The following COL23A1 variants were observed in gnomAD, a reference collection of about 807,000 sequenced individuals.
COL23A1 encodes the protein collagen type XXIII alpha 1 chain, also known as collagen alpha-1(XXIII) chain.
Under a neutral mutation model 99.3 loss-of-function variants are expected in COL23A1, and 97 were observed. The observed-to-expected ratio is 0.98, with a 90% CI of 0.83 to 1.16. The LOEUF (loss-of-function observed/expected upper bound fraction) is 1.16, where lower values mean the gene tolerates loss of function less well. Among genes scored for constraint, COL23A1 ranks in the 50% most tolerant of loss-of-function variants. The pLI, the probability that COL23A1 is intolerant of heterozygous loss-of-function variation, is 0.00. For synonymous variants in COL23A1, 320 were observed against 308.2 expected (o/e 1.04, Z -0.40); for missense variants, 762 against 757.4 (o/e 1.01, Z -0.07).
intron 2 of COL23A1, among the ~76,000 whole-genome samples, chr5:178,518,542 A>ATGGGG: frequency 8.5e-6 from 1 of 118,136 alleles, no homozygotes; most frequent in South Asian, 2.8e-4. Flanking sequence ...CACTTCTCAG[A>ATGGGG]CGGGGCGGCC....
At chr5:178,538,249 C>G (rs1002779361) in intron 2 of COL23A1, among the ~76,000 whole-genome samples, 9 of 152,216 alleles carry the variant, frequency 5.9e-5, no homozygotes, top group African/African-American at 2.2e-4. Flanking sequence ...CCCGCAGAAG[C>G]TCACACTGGA....
rs771975200 is a variant in COL23A1, at chr5:178,254,820, C to T, written c.960+129G>A. 9.2e-6 allele frequency: 7 copies of T among 759,878 alleles called. No individual in the cohort carries two copies. In the East Asian group the frequency reaches 1.1e-4, roughly 12 times the overall value. The allele number at this position is 759,878 out of a possible 1,614,324, so 47.1% of individuals were successfully genotyped here. On this transcript the variant is annotated intron_variant, in intron 16 of 28. Coordinates refer to ENST00000390654, the MANE Select transcript of COL23A1 (RefSeq NM_173465.4). ...TCCACATTGGGTGCCTAGTAACAGC[C>T]GGGGTCTTTGTGCTAAGCTGCCTCT...
At chr5:178,351,559 A>T (rs532236321) in intron 2 of COL23A1, among the ~76,000 whole-genome samples, 1 of 152,124 alleles carries the variant, frequency 6.6e-6, no homozygotes, top group Non-Finnish European at 1.5e-5. Flanking sequence ...TGTTTCTTTA[A>T]CAGGAAGGAT....
At chr5:178,537,529 T>A (rs1409630117) in intron 2 of COL23A1, among the ~76,000 whole-genome samples, 3 of 151,732 alleles carry the variant, frequency 2.0e-5, no homozygotes. Context: ...TCAGAGGGAG[T>A]CTGTGGCAGG....
intron 2 of COL23A1, among the ~76,000 whole-genome samples, chr5:178,372,217 G>C (rs1277105828): frequency 6.6e-6 from 1 of 152,248 alleles, no homozygotes; most frequent in Non-Finnish European, 1.5e-5. Context: ...GGCGTGCTGG[G>C]AGGCACTTCG....
At chr5:178,440,893 A>G (rs749292667) in intron 2 of COL23A1, among the ~76,000 whole-genome samples, 1 of 152,198 alleles carries the variant, frequency 6.6e-6, no homozygotes, top group African/African-American at 2.4e-5. Context: ...TAGGGATTAC[A>G]TGCATGAGCC....
chr5:178,526,357 C>T (rs1031801705), intron 2 of COL23A1, among the ~76,000 whole-genome samples: 1 of 152,178 alleles, frequency 6.6e-6, no homozygotes, highest in Non-Finnish European at 1.5e-5. Context: ...GACAGGCTCA[C>T]GGGACATGTA....
intron 2 of COL23A1, among the ~76,000 whole-genome samples, chr5:178,521,899 G>A (rs1759967476): frequency 6.6e-6 from 1 of 152,210 alleles, no homozygotes; most frequent in Non-Finnish European, 1.5e-5. Context: ...TCTGTTTGGA[G>A]TTATGGAAAA....
chr5:178,244,373 C>T (rs1216596644), intron 25 of COL23A1, among the ~76,000 whole-genome samples: 1 of 152,174 alleles, frequency 6.6e-6, no homozygotes, highest in Non-Finnish European at 1.5e-5. Flanking sequence ...AAAATAGCTA[C>T]CTGATTTTCC....
At chr5:178,321,839 T>G (rs13160045) in intron 2 of COL23A1, among the ~76,000 whole-genome samples, 54,649 of 149,162 alleles carry the variant, frequency 0.37, 10,456 homozygotes, top group African/African-American at 0.48. Flanking sequence ...ATGGATAGAC[T>G]ACGTTTACTC....
At chr5:178,586,278 C>T (rs765991069) in intron 1 of COL23A1, among the ~76,000 whole-genome samples, 5 of 152,188 alleles carry the variant, frequency 3.3e-5, no homozygotes, top group Non-Finnish European at 7.3e-5. Context: ...TGTCTGTTAT[C>T]ATATTTGCAT....
In COL23A1 at chr5:178,537,631, G is replaced by C. The variant is rs776631290; in HGVS notation, c.361+23051C>G. Among the ~76,000 whole-genome samples, 3 of 152,346 alleles carry C rather than the reference G, an allele frequency of 2.0e-5. No individual in the cohort carries two copies. In the South Asian group the frequency reaches 6.2e-4, roughly 32 times the overall value. ...GACAATTCTGTAAAATGGACACCACGGTCTGCCGAAGGCGGCTGTGGGGCA... is the reference window on the plus strand; with the variant it reads ...GACAATTCTGTAAAATGGACACCACCGTCTGCCGAAGGCGGCTGTGGGGCA... On this transcript the variant is annotated intron_variant, in intron 2 of 28. Coordinates refer to ENST00000390654, the MANE Select transcript of COL23A1 (RefSeq NM_173465.4).
chr5:178,371,442 C>T (rs1762796369), intron 2 of COL23A1, among the ~76,000 whole-genome samples: 1 of 152,168 alleles, frequency 6.6e-6, no homozygotes, highest in Non-Finnish European at 1.5e-5. Context: ...GTCGGATGGG[C>T]CTCGCGGGCT....
chr5:178,355,304 A>G (rs1175693885), intron 2 of COL23A1, among the ~76,000 whole-genome samples: 2 of 152,250 alleles, frequency 1.3e-5, no homozygotes, highest in Middle Eastern at 3.4e-3. Flanking sequence ...ATAAATAAAC[A>G]AGCATTTTAT....
At chr5:178,564,370 T>C (rs542911277) in intron 1 of COL23A1, among the ~76,000 whole-genome samples, 11 of 152,126 alleles carry the variant, frequency 7.2e-5, no homozygotes, top group Non-Finnish European at 1.3e-4. Context: ...AGTGAAATGT[T>C]TGAATTAGAA....
chr5:178,426,992 T>C (rs1283352898), intron 2 of COL23A1, among the ~76,000 whole-genome samples: 1 of 151,978 alleles, frequency 6.6e-6, no homozygotes, highest in African/African-American at 2.4e-5. Flanking sequence ...AGGTTAGGAG[T>C]GCGAGACCAG....
At chr5:178,256,321 CCT>C in intron 15 of COL23A1, 30 bp downstream of exon 15, 8 of 1,565,564 alleles carry the variant, frequency 5.1e-6, no homozygotes, top group Non-Finnish European at 6.9e-6. Flanking sequence ...AGATCTCATC[CCT>C]GAGGCCTCGC....
intron 2 of COL23A1, among the ~76,000 whole-genome samples, chr5:178,391,681 C>T (rs1763971262): frequency 6.6e-6 from 1 of 152,028 alleles, no homozygotes; most frequent in Non-Finnish European, 1.5e-5. Flanking sequence ...GGCAGGTGCT[C>T]AAATGGCTTC....
At chr5:178,512,254 T>A (rs1282592174) in intron 2 of COL23A1, among the ~76,000 whole-genome samples, 1 of 152,250 alleles carries the variant, frequency 6.6e-6, no homozygotes, top group Admixed American at 6.5e-5. Context: ...TTGTAATTGA[T>A]CACATAAAAT....
Sources: gnomAD v4.1 joint callset for allele counts (sites outside exome capture counted in the v4.1 genomes callset) on GRCh38, gnomAD v4.1.1 for gene constraint, MANE v1.5 for transcripts, NCBI Gene and HGNC (gene_info 2026-07-23, HGNC 2026-07-21) for gene names.